Variants in STAC observed in about 807,000 individuals in gnomAD.
STAC encodes the protein SH3 and cysteine-rich domain-containing protein.
Under a neutral mutation model 48.8 loss-of-function variants are expected in STAC, and 43 were observed. That is an observed-to-expected ratio of 0.88 (90% CI 0.69 to 1.14). The LOEUF is 1.14. Among genes scored for constraint, STAC ranks in the 50% most tolerant of loss-of-function variants. The pLI, the probability that STAC is intolerant of heterozygous loss-of-function variation, is 0.00. For synonymous variants in STAC, 193 were observed against 179.5 expected (o/e 1.07, Z -0.60); for missense variants, 497 against 504.0 (o/e 0.99, Z 0.13).
At chr3:36,387,607 A>C (rs779512826) in intron 1 of STAC, among the ~76,000 whole-genome samples, 1 of 152,132 alleles carries the variant, frequency 6.6e-6, no homozygotes, top group Non-Finnish European at 1.5e-5. Flanking sequence ...TTGTGATTGA[A>C]TTATTTCAGT....
At chr3:36,506,600 T>G (rs1698409067) in intron 8 of STAC, among the ~76,000 whole-genome samples, 1 of 152,218 alleles carries the variant, frequency 6.6e-6, no homozygotes, top group African/African-American at 2.4e-5. Context: ...CTCTCTTGTT[T>G]CCTTGAGCAT....
In STAC at chr3:36,546,261, T is replaced by TC. The variant is rs1193520154; in HGVS notation, c.1186dup (p.Leu396ProfsTer2). The TC allele has an allele frequency of 1.2e-6, 2 of 1,614,012 alleles. No individual in the cohort carries two copies. Among genetic ancestry groups the TC allele is most frequent in the Non-Finnish European group, 8.5e-7 (1 of 1,179,912 alleles). ...CTCAGTGGAAAAAAGAAAGGCCTCA[T>TC]CCCCCTTGATGTACTAGAAAACATC... On this transcript the variant is annotated frameshift_variant, in exon 11 of 11. Transcript: ENST00000273183. LOFTEE classifies it high-confidence loss of function.
chr3:36,496,179 G>C (rs1698148558), intron 6 of STAC, among the ~76,000 whole-genome samples: 1 of 152,200 alleles, frequency 6.6e-6, no homozygotes, highest in Non-Finnish European at 1.5e-5. Flanking sequence ...AAAAGTGTTG[G>C]AGATGTATTA....
At chr3:36,464,687 T>G in intron 2 of STAC, among the ~76,000 whole-genome samples, 1 of 152,194 alleles carries the variant, frequency 6.6e-6, no homozygotes, top group Non-Finnish European at 1.5e-5. Context: ...GATCATATGA[T>G]GTTTGGTTTT....
intron 1 of STAC, among the ~76,000 whole-genome samples, chr3:36,431,214 G>A (rs1028755307): frequency 1.3e-5 from 2 of 151,810 alleles, no homozygotes; most frequent in Admixed American, 6.6e-5. Flanking sequence ...CAGCCAGCCA[G>A]CCATCATATT....
chr3:36,479,459 A>G (rs1490670438), intron 2 of STAC, among the ~76,000 whole-genome samples: 1 of 152,164 alleles, frequency 6.6e-6, no homozygotes, highest in African/African-American at 2.4e-5. Flanking sequence ...TTCAGAGTAT[A>G]TGCTTTGTTT....
intron 8 of STAC, among the ~76,000 whole-genome samples, chr3:36,511,863 G>A (rs1173765938): frequency 6.6e-6 from 1 of 152,172 alleles, no homozygotes; most frequent in Non-Finnish European, 1.5e-5. Flanking sequence ...GCTTCAGTTA[G>A]ACCCTGTTTC....
intron 8 of STAC, among the ~76,000 whole-genome samples, chr3:36,511,425 C>A (rs1242718982): frequency 1.3e-5 from 2 of 152,280 alleles, no homozygotes; most frequent in Non-Finnish European, 2.9e-5. Flanking sequence ...TGCTTCCATG[C>A]ATTCATGACC....
At chr3:36,471,550 A>G (rs747485913) in intron 2 of STAC, among the ~76,000 whole-genome samples, 2 of 152,236 alleles carry the variant, frequency 1.3e-5, no homozygotes, top group Non-Finnish European at 2.9e-5. Context: ...ATGAGCCTGT[A>G]AAATCAAAAG....
intron 1 of STAC, among the ~76,000 whole-genome samples, chr3:36,381,796 C>G (rs1265860964): frequency 6.6e-6 from 1 of 152,154 alleles, no homozygotes; most frequent in Non-Finnish European, 1.5e-5. Context: ...TGATACTGGG[C>G]ACTGTACATT....
Position 36,543,506 on chromosome 3 carries a change from T to C in STAC, c.1111-2685T>C, listed in dbSNP as rs550377802. 3.3e-5 allele frequency among the ~76,000 whole-genome samples: 5 copies of C among 152,328 alleles called. No homozygotes were observed. In the South Asian group the frequency reaches 1.0e-3, roughly 32 times the overall value. ...GCATTCAACAAAGCATGAACCATTGTGCTTCTTGGCTTCCTATTTCAGAGA... is the reference window on the plus strand; with the variant it reads ...GCATTCAACAAAGCATGAACCATTGCGCTTCTTGGCTTCCTATTTCAGAGA... On this transcript the variant is annotated intron_variant, in intron 10 of 10. Transcript: ENST00000273183.
chr3:36,441,248 C>T (rs1575201729), intron 1 of STAC, among the ~76,000 whole-genome samples: 1 of 152,264 alleles, frequency 6.6e-6, no homozygotes, highest in East Asian at 1.9e-4. Flanking sequence ...CCTCCCTTCT[C>T]CCTGTGCTTG....
chr3:36,542,157 C>A (rs1359670249), intron 10 of STAC, among the ~76,000 whole-genome samples: 1 of 152,140 alleles, frequency 6.6e-6, no homozygotes, highest in East Asian at 1.9e-4. Context: ...TTAAATAAAT[C>A]TGATCACCTT....
chr3:36,500,293 C>A (rs1698252324), intron 6 of STAC, among the ~76,000 whole-genome samples: 1 of 152,142 alleles, frequency 6.6e-6, no homozygotes, highest in African/African-American at 2.4e-5. Context: ...ATGTCCTTTG[C>A]AGGAACATGG....
intron 1 of STAC, among the ~76,000 whole-genome samples, chr3:36,390,451 CTTTTTTTTTTT>C (rs59589769): frequency 2.5e-5 from 2 of 80,840 alleles, no homozygotes; most frequent in South Asian, 1.0e-3. Flanking sequence ...TTTTTCTTTT[CTTTTTTTTTTT>C]TTTTTTTTTT....
intron 5 of STAC, among the ~76,000 whole-genome samples, chr3:36,491,960 A>G (rs4678881): frequency 7.6e-6 from 1 of 131,852 alleles, no homozygotes; most frequent in Non-Finnish European, 1.6e-5. Context: ...CTGAGATTGC[A>G]CCACTGCACT....
chr3:36,440,421 G>A (rs1696311486), intron 1 of STAC, among the ~76,000 whole-genome samples: 1 of 152,194 alleles, frequency 6.6e-6, no homozygotes, highest in African/African-American at 2.4e-5. Context: ...ATGCCTGCAG[G>A]ACAGCAGGGT....
intron 8 of STAC, among the ~76,000 whole-genome samples, chr3:36,506,611 T>C (rs1698409537): frequency 6.6e-6 from 1 of 152,204 alleles, no homozygotes; most frequent in Admixed American, 6.5e-5. Flanking sequence ...CCTTGAGCAT[T>C]GGTTTGTAGT....
At chr3:36,401,441 C>T (rs73057904) in intron 1 of STAC, among the ~76,000 whole-genome samples, 1 of 152,064 alleles carries the variant, frequency 6.6e-6, no homozygotes, top group Non-Finnish European at 1.5e-5. Flanking sequence ...TTAAGGACCT[C>T]GATAGAAAAT....
Sources: gnomAD v4.1 joint callset for allele counts (sites outside exome capture counted in the v4.1 genomes callset) on GRCh38, gnomAD v4.1.1 for gene constraint, MANE v1.5 for transcripts, NCBI Gene and HGNC (gene_info 2026-07-23, HGNC 2026-07-21) for gene names.